The following KLRD1 variants were observed in gnomAD, a reference collection of about 807,000 sequenced individuals.
KLRD1 encodes the protein killer cell lectin like receptor D1.
Under a neutral mutation model 22.6 loss-of-function variants are expected in KLRD1, and 21 were observed. The observed-to-expected ratio is 0.93, with a 90% CI of 0.66 to 1.34. The LOEUF (loss-of-function observed/expected upper bound fraction) is 1.34. Among genes scored for constraint, KLRD1 ranks in the 40% most tolerant of loss-of-function variants. KLRD1 has a pLI of 0.00. For missense variants in KLRD1, 183 were observed against 208.6 expected (o/e 0.88, Z 0.76); for synonymous variants, 59 against 71.1 (o/e 0.83, Z 0.85).
rs1290394933 is a variant in KLRD1, at chr12:10,239,477, CCTTCCTT to C, written c.-101+13253_-101+13259del. Among the ~76,000 whole-genome samples, 673 of 102,544 alleles carry C rather than the reference CCTTCCTT, an allele frequency of 6.6e-3. 41 individuals carry two copies. Among genetic ancestry groups the C allele is most frequent in the African/African-American group, 0.029 (648 of 22,406 alleles). 67.3% of individuals were successfully genotyped at this position (102,544 alleles called of 152,430 possible). The stretch of plus-strand genomic sequence containing the variant: ...TCCTTCCTTCCTTCCTTCCTTCCTT[CCTTCCTT>C]CTTCCTTCCTTCCTTCCTTCCCTCC... On this transcript the variant is annotated intron_variant, in intron 1 of 5. Transcript: ENST00000544747.
At chr12:10,268,646 T>C (rs894271433) in intron 1 of KLRD1, among the ~76,000 whole-genome samples, 1 of 152,194 alleles carries the variant, frequency 6.6e-6, no homozygotes, top group African/African-American at 2.4e-5. Flanking sequence ...CCAGTTTATA[T>C]TATGTCTAAC....
chr12:10,299,034 C>T (rs1410751212), intron 1 of KLRD1, among the ~76,000 whole-genome samples: 1 of 152,156 alleles, frequency 6.6e-6, no homozygotes, highest in East Asian at 1.9e-4. Context: ...CATTCTGGTT[C>T]TCCTATTTTT....
chr12:10,295,340 C>T (rs1250054895), intron 1 of KLRD1, among the ~76,000 whole-genome samples: 8 of 152,012 alleles, frequency 5.3e-5, no homozygotes, highest in African/African-American at 1.9e-4. Context: ...TCCCTTGTGA[C>T]ACTGTTCTAT....
rs1272442971 is a variant in KLRD1 at position 10,315,276 on chromosome 12, T to C, written c.*483T>C. 4.5e-6 allele frequency: 2 copies of C among 444,912 alleles called. No individual in the cohort carries two copies. Among genetic ancestry groups the C allele is most frequent in the South Asian group, 3.1e-5 (2 of 63,694 alleles). The allele number at this position is 444,912 out of a possible 1,614,324, so 27.6% of individuals were successfully genotyped here. The stretch of plus-strand genomic sequence containing the variant: ...TAGGACTGCAGGCACCATGTCACTA[T>C]GCCCGACTAATTTTTAATTTTTAAT... On this transcript the variant is annotated 3_prime_UTR_variant, in exon 6 of 6. Coordinates refer to ENST00000336164, the MANE Select transcript of KLRD1 (RefSeq NM_002262.5).
rs1252582375 is a variant in KLRD1 at position 10,320,734 on chromosome 12, A to G, written c.*5941A>G. Reference sequence around the variant, plus strand: ...AGTGCTCTCAGGAAAGCATGATTCTAAACAAGAAGGTGTGGGTGTGACTGA... The same window carrying G: ...AGTGCTCTCAGGAAAGCATGATTCTGAACAAGAAGGTGTGGGTGTGACTGA... On this transcript the variant is annotated 3_prime_UTR_variant, in exon 6 of 6. Coordinates refer to ENST00000336164, the MANE Select transcript of KLRD1 (RefSeq NM_002262.5). 1 of 152,196 alleles carries G rather than the reference A, an allele frequency of 6.6e-6. No individual in the cohort carries two copies. Among genetic ancestry groups the G allele is most frequent in the African/African-American group, 2.4e-5 (1 of 41,450 alleles). 9.4% of individuals were successfully genotyped at this position (152,196 alleles called of 1,614,324 possible). A position where few individuals can be genotyped will look rare whatever the true frequency, so the allele number is the denominator to read the frequency against.
chr12:10,258,301 T>G (rs1228542589), intron 1 of KLRD1, among the ~76,000 whole-genome samples: 2 of 152,174 alleles, frequency 1.3e-5, no homozygotes. Context: ...CTATCCCTAT[T>G]TTTTTATCTT....
intron 5 of KLRD1, 71 bp from the exon 6 acceptor site, chr12:10,314,602 T>C: frequency 7.2e-7 from 1 of 1,380,126 alleles, no homozygotes; most frequent in Admixed American, 2.7e-5. Context: ...ATTTATATCA[T>C]TTAATTGAAA....
intron 3 of KLRD1, among the ~76,000 whole-genome samples, 173 bp downstream of exon 3, chr12:10,309,861 A>G (rs548862237): frequency 1.3e-5 from 2 of 152,340 alleles, no homozygotes; most frequent in East Asian, 1.9e-4. Flanking sequence ...TGATTAAATT[A>G]CACTGAATGT....
intron 4 of KLRD1, among the ~76,000 whole-genome samples, chr12:10,312,599 C>G (rs566912220): frequency 7.0e-6 from 1 of 143,506 alleles, no homozygotes; most frequent in African/African-American, 2.6e-5. Flanking sequence ...AGGATGGTCT[C>G]GATCTTCTGA....
intron 1 of KLRD1, among the ~76,000 whole-genome samples, chr12:10,244,966 C>T (rs548634052): frequency 1.2e-4 from 18 of 152,148 alleles, no homozygotes; most frequent in African/African-American, 3.1e-4. Context: ...AAAGCATTTG[C>T]GTGCATTAGC....
chr12:10,279,420 C>A (rs1310834331), intron 1 of KLRD1, among the ~76,000 whole-genome samples: 1 of 152,138 alleles, frequency 6.6e-6, no homozygotes, highest in Non-Finnish European at 1.5e-5. Flanking sequence ...TCCTGTTTCT[C>A]TAGTATAAAT....
At chr12:10,313,383 A>T in intron 4 of KLRD1, 27 bp from the exon 5 acceptor site, 1 of 1,295,602 alleles carries the variant, frequency 7.7e-7, no homozygotes, top group Non-Finnish European at 1.1e-6. Flanking sequence ...AAATTAGATT[A>T]ATGTGATTGT....
rs896163855 is a variant in KLRD1 at position 10,323,832 on chromosome 12, T to A, written c.*9039T>A. 6.6e-6 allele frequency: 1 copy of A among 151,166 alleles called. No homozygotes were observed. The highest frequency in any genetic ancestry group is 1.5e-5 in the Non-Finnish European group (1 of 67,882). The allele number at this position is 151,166 out of a possible 1,614,324, so 9.4% of individuals were successfully genotyped here. ...TCATCTATGTTGATACATGTATCAA[T>A]AGTTAATTCCCTTTTATTTCTTATT... is the stretch of plus-strand genomic sequence containing the variant. On this transcript the variant is annotated 3_prime_UTR_variant, in exon 6 of 6. Transcript: ENST00000336164.
intron 1 of KLRD1, among the ~76,000 whole-genome samples, chr12:10,297,383 G>T (rs1949831432): frequency 6.6e-6 from 1 of 151,920 alleles, no homozygotes; most frequent in African/African-American, 2.4e-5. Flanking sequence ...TGTACCTCTA[G>T]AAGATAGTTA....
chr12:10,240,062 C>T (rs1423319714), intron 1 of KLRD1, among the ~76,000 whole-genome samples: 1 of 150,466 alleles, frequency 6.6e-6, no homozygotes, highest in Non-Finnish European at 1.5e-5. Context: ...TTTCTACTTT[C>T]TTTCTTTTTT....
intron 1 of KLRD1, among the ~76,000 whole-genome samples, chr12:10,280,233 G>A (rs141637019): frequency 2.2e-3 from 337 of 152,250 alleles, no homozygotes; most frequent in Non-Finnish European, 3.8e-3. Flanking sequence ...TTAACCAGAT[G>A]CCTGATGTTT....
chr12:10,296,987 GT>G (rs1255073034), intron 1 of KLRD1, among the ~76,000 whole-genome samples: 2 of 152,142 alleles, frequency 1.3e-5, no homozygotes, highest in Non-Finnish European at 2.9e-5. Context: ...TTTTTCTGCT[GT>G]TTTTTCAAGT....
At chr12:10,258,700 A>G (rs967629255) in intron 1 of KLRD1, among the ~76,000 whole-genome samples, 8 of 152,242 alleles carry the variant, frequency 5.3e-5, no homozygotes, top group African/African-American at 1.9e-4. Flanking sequence ...GGGGGAGGAA[A>G]TAGAACTAAA....
chr12:10,267,036 A>C (rs571298933), intron 1 of KLRD1, among the ~76,000 whole-genome samples: 6 of 150,876 alleles, frequency 4.0e-5, no homozygotes, highest in Non-Finnish European at 8.9e-5. Context: ...GCACCCATTA[A>C]CTCGTCATTT....
Sources: allele counts gnomAD v4.1 joint callset (sites outside exome capture counted in the v4.1 genomes callset), GRCh38; gene constraint gnomAD v4.1.1; transcripts MANE v1.5; gene names NCBI Gene and HGNC (gene_info 2026-07-23, HGNC 2026-07-21).